Variants in MTA3 observed in about 807,000 individuals in gnomAD.
The protein encoded by MTA3 is metastasis associated 1 family member 3.
In MTA3, 34 loss-of-function variants were observed where a neutral mutation model predicts 83.5. The ratio of observed to expected loss-of-function variants is 0.41; its 90% confidence interval spans 0.31 to 0.54. The LOEUF is 0.54. Among genes scored for constraint, MTA3 ranks in the 20% least tolerant of loss-of-function variants. MTA3 has a pLI of 0.33. For missense variants in MTA3, 761 were observed against 726.4 expected (o/e 1.05, Z -0.55); for synonymous variants, 303 against 252.7 (o/e 1.20, Z -1.89).
chr2:42,611,552 A>G (rs767067373), intron 4 of MTA3, among the ~76,000 whole-genome samples: 1 of 152,032 alleles, frequency 6.6e-6, no homozygotes, highest in African/African-American at 2.4e-5. Context: ...TTTGTTTTCT[A>G]AATTGAGATG....
chr2:42,652,766 CT>C (rs1688832462), intron 6 of MTA3, among the ~76,000 whole-genome samples: 1 of 152,094 alleles, frequency 6.6e-6, no homozygotes, highest in Non-Finnish European at 1.5e-5. Flanking sequence ...ATGAATGTGA[CT>C]TTAAAAAATT....
chr2:42,563,814 TC>T (rs919712875), upstream of MTA3, among the ~76,000 whole-genome samples: 2 of 147,476 alleles, frequency 1.4e-5, no homozygotes, highest in African/African-American at 5.0e-5. Flanking sequence ...CTTCCTTCCT[TC>T]CTTCCTTCCT....
At chr2:42,555,501 C>A (rs1677339499) in intron 2 of MTA3, among the ~76,000 whole-genome samples, 1 of 148,420 alleles carries the variant, frequency 6.7e-6, no homozygotes, top group Non-Finnish European at 1.5e-5. Context: ...TGGCTCACAC[C>A]TGTAATCTTA....
intron 4 of MTA3, among the ~76,000 whole-genome samples, chr2:42,632,191 G>A (rs748972802): frequency 2.7e-5 from 4 of 147,060 alleles, no homozygotes; most frequent in African/African-American, 5.0e-5. Flanking sequence ...CCAGGTTCAC[G>A]CCATTCTCCT....
At chr2:42,499,836 A>C (rs897379057) in intron 2 of MTA3, among the ~76,000 whole-genome samples, 1 of 152,092 alleles carries the variant, frequency 6.6e-6, no homozygotes, top group Admixed American at 6.5e-5. Flanking sequence ...GGATATGTTT[A>C]TGGCATAGAT....
intron 2 of MTA3, among the ~76,000 whole-genome samples, chr2:42,545,415 A>G (rs1311912768): frequency 6.6e-6 from 1 of 152,110 alleles, no homozygotes; most frequent in East Asian, 1.9e-4. Context: ...AAGGAACCTA[A>G]GAAAACACAA....
chr2:42,717,952 A>G (rs1340862832), intron 14 of MTA3, among the ~76,000 whole-genome samples: 3 of 152,194 alleles, frequency 2.0e-5, no homozygotes, highest in East Asian at 3.8e-4. Flanking sequence ...TATTTCTGCT[A>G]TAATGTAGAA....
intron 6 of MTA3, among the ~76,000 whole-genome samples, chr2:42,655,822 C>T (rs923352109): frequency 6.6e-6 from 1 of 152,210 alleles, no homozygotes; most frequent in Non-Finnish European, 1.5e-5. Flanking sequence ...AGGCTTGTTT[C>T]AAACTTCTGG....
chr2:42,583,970 A>C (rs1679970415), intron 3 of MTA3, among the ~76,000 whole-genome samples: 1 of 151,614 alleles, frequency 6.6e-6, no homozygotes. Flanking sequence ...CAGCCCCCTG[A>C]GTAGTTGGGA....
At chr2:42,608,419 T>C (rs961322034) in intron 3 of MTA3, among the ~76,000 whole-genome samples, 3 of 152,238 alleles carry the variant, frequency 2.0e-5, no homozygotes, top group Non-Finnish European at 4.4e-5. Context: ...TTTAAATTGC[T>C]TTATTCTTGC....
chr2:42,684,899 C>T (rs970782929), intron 9 of MTA3, among the ~76,000 whole-genome samples: 1 of 152,136 alleles, frequency 6.6e-6, no homozygotes, highest in Non-Finnish European at 1.5e-5. Flanking sequence ...GAAATATACA[C>T]CCAAGTAAAA....
At chr2:42,602,734 G>A (rs116104298) in intron 3 of MTA3, among the ~76,000 whole-genome samples, 1 of 152,144 alleles carries the variant, frequency 6.6e-6, no homozygotes, top group Non-Finnish European at 1.5e-5. Flanking sequence ...TTTTAGCTGA[G>A]TTAGCAGGAT....
chr2:42,600,073 C>T (rs1166911014), intron 3 of MTA3, among the ~76,000 whole-genome samples: 1 of 152,068 alleles, frequency 6.6e-6, no homozygotes, highest in Non-Finnish European at 1.5e-5. Flanking sequence ...CGGCACATTC[C>T]TGTAGTCCCA....
intron 6 of MTA3, 116 bp from the exon 7 acceptor site, chr2:42,656,084 G>A (rs2104359227): frequency 2.8e-6 from 2 of 709,270 alleles, no homozygotes. Context: ...TGCCAAAACT[G>A]TGGGCACTTA....
chr2:42,656,447 T>C, intron 7 of MTA3, 145 bp downstream of exon 7: 1 of 424,276 alleles, frequency 2.4e-6, no homozygotes, highest in Non-Finnish European at 4.1e-6. Context: ...CTTAATACGT[T>C]ATGCTGCTTC....
intron 9 of MTA3, among the ~76,000 whole-genome samples, chr2:42,683,097 C>T (rs1692068894): frequency 6.6e-6 from 1 of 152,098 alleles, no homozygotes; most frequent in Non-Finnish European, 1.5e-5. Context: ...AAAAAAACCC[C>T]TACACTATCA....
chr2:42,620,773 G>A (rs574723078), intron 4 of MTA3, among the ~76,000 whole-genome samples: 3 of 152,280 alleles, frequency 2.0e-5, no homozygotes, highest in African/African-American at 7.2e-5. Context: ...GGATTACGGG[G>A]ATGAGCCACT....
intron 16 of MTA3, among the ~76,000 whole-genome samples, chr2:42,749,502 C>G (rs1669701944): frequency 6.6e-6 from 1 of 152,134 alleles, no homozygotes; most frequent in Non-Finnish European, 1.5e-5. Context: ...GAGTCTTGCT[C>G]TGTCACCCGT....
chr2:42,520,992 C>T (rs755581821), intron 2 of MTA3, among the ~76,000 whole-genome samples: 1 of 152,182 alleles, frequency 6.6e-6, no homozygotes, highest in Non-Finnish European at 1.5e-5. Flanking sequence ...ATGGCAAACT[C>T]CTTGTTGGCA....
Sources: allele counts gnomAD v4.1 joint callset (sites outside exome capture counted in the v4.1 genomes callset), GRCh38; gene constraint gnomAD v4.1.1; transcripts MANE v1.5; gene names NCBI Gene and HGNC (gene_info 2026-07-23, HGNC 2026-07-21).